FNDC3B: variants seen among roughly 807,000 people sequenced by gnomAD.
FNDC3B encodes the protein fibronectin type III domain containing 3B, also known as fibronectin type III domain-containing protein 3B.
FNDC3B carries 12 observed loss-of-function variants against 151.5 expected under a neutral mutation model. The ratio of observed to expected loss-of-function variants is 0.08; its 90% confidence interval spans 0.05 to 0.13. FNDC3B has a LOEUF of 0.13. FNDC3B is among the 10% of genes least tolerant of loss of function. FNDC3B has a pLI of 1.00. For synonymous variants in FNDC3B, 528 were observed against 549.0 expected (o/e 0.96, Z 0.54); for missense variants, 1,214 against 1,505.3 (o/e 0.81, Z 3.20).
intron 14 of FNDC3B, 60 bp downstream of exon 14, chr3:172,333,235 A>G: frequency 9.3e-7 from 1 of 1,070,768 alleles, no homozygotes; most frequent in Non-Finnish European, 1.5e-6. Flanking sequence ...CTATTTCACC[A>G]TTTACCATGT....
intron 3 of FNDC3B, among the ~76,000 whole-genome samples, chr3:172,143,816 G>A (rs1374801445): frequency 6.6e-6 from 1 of 151,978 alleles, no homozygotes; most frequent in East Asian, 1.9e-4. Context: ...GGCTGAGGGA[G>A]GAGAATCGCT....
At chr3:172,345,014 C>T (rs1023762226) in intron 19 of FNDC3B, among the ~76,000 whole-genome samples, 2 of 151,776 alleles carry the variant, frequency 1.3e-5, no homozygotes, top group African/African-American at 4.8e-5. Flanking sequence ...TGTAGATGGG[C>T]TCCATGCAAA....
intron 19 of FNDC3B, chr3:172,345,826 G>A (rs1733589099): frequency 6.6e-6 from 1 of 152,310 alleles, no homozygotes; most frequent in Non-Finnish European, 1.5e-5. Context: ...AATAGGTGAG[G>A]TGATGGGAAC....
chr3:172,281,213 TTATATTTATTTATTTATTTA>T (rs1271018001), intron 6 of FNDC3B, among the ~76,000 whole-genome samples: 1 of 104,262 alleles, frequency 9.6e-6, no homozygotes, highest in East Asian at 2.6e-4. Context: ...TTATTATTAT[TTATATTTATTTATTTATTTA>T]TTTATTTATT....
At chr3:172,378,801 T>C (rs1359171098) in intron 24 of FNDC3B, among the ~76,000 whole-genome samples, 1 of 152,162 alleles carries the variant, frequency 6.6e-6, no homozygotes, top group Non-Finnish European at 1.5e-5. Context: ...CTTTGGTGCC[T>C]AGAGACTGAC....
At chr3:172,361,487 G>A (rs1249898525) in intron 22 of FNDC3B, among the ~76,000 whole-genome samples, 1 of 152,114 alleles carries the variant, frequency 6.6e-6, no homozygotes, top group Admixed American at 6.6e-5. Context: ...CCTAGGACAT[G>A]GAAACAATGC....
rs561854536 is a variant in FNDC3B at position 172,094,821 on chromosome 3, G to C, written c.-28-17631G>C. ...TCACTGGTCTGTGAGCGGGTGTGTAGTGGCTTAGTGGAAGTGAGGTTCCAG... is the reference window on the plus strand; with the variant it reads ...TCACTGGTCTGTGAGCGGGTGTGTACTGGCTTAGTGGAAGTGAGGTTCCAG... On this transcript the variant is annotated intron_variant, in intron 1 of 25. Transcript: ENST00000415807. Among the ~76,000 whole-genome samples the C allele has an allele frequency of 2.6e-5, 4 of 151,754 alleles. No individual in the cohort carries two copies. The South Asian group carries it at 8.3e-4, about 32-fold the overall frequency.
At chr3:172,273,908 A>G (rs537801019) in intron 6 of FNDC3B, among the ~76,000 whole-genome samples, 2 of 152,238 alleles carry the variant, frequency 1.3e-5, no homozygotes, top group African/African-American at 2.4e-5. Flanking sequence ...CACAACAAAC[A>G]GCGGTAGTTT....
Position 172,380,007 on chromosome 3 carries a change from T to G in FNDC3B, c.3176-959T>G, listed in dbSNP as rs928066127. On this transcript the variant is annotated intron_variant, in intron 24 of 25. Coordinates refer to ENST00000415807, the MANE Select transcript of FNDC3B (RefSeq NM_022763.4). The stretch of plus-strand genomic sequence containing the variant: ...AGTTTAATCTGATAGGCTTCCTTAT[T>G]TAGTTTTTTCATAAAATGCTTGGAA... Among the ~76,000 whole-genome samples, 5 of 152,132 alleles carry G rather than the reference T, an allele frequency of 3.3e-5. No individual in the cohort carries two copies. In the South Asian group the frequency reaches 6.2e-4, roughly 19 times the overall value.
chr3:172,382,842 C>A (rs995393338), intron 25 of FNDC3B, among the ~76,000 whole-genome samples: 2 of 152,122 alleles, frequency 1.3e-5, no homozygotes, highest in African/African-American at 2.4e-5. Flanking sequence ...TGTTTTGGTA[C>A]CAGTACTATG....
chr3:172,145,317 G>A (rs1721847275), intron 3 of FNDC3B, among the ~76,000 whole-genome samples: 1 of 152,100 alleles, frequency 6.6e-6, no homozygotes, highest in South Asian at 2.1e-4. Context: ...AAAAAAGAGT[G>A]GAAACTTAAA....
At chr3:172,116,858 G>A (rs547805460) in intron 2 of FNDC3B, among the ~76,000 whole-genome samples, 10 of 152,168 alleles carry the variant, frequency 6.6e-5, no homozygotes, top group South Asian at 2.1e-4. Flanking sequence ...GAGCCACCAC[G>A]CCCGGTTCAC....
At position 172,390,651 on chromosome 3, in the gene FNDC3B, CTG is replaced by C. The variant is rs546422726; in HGVS notation, c.3304-6511_3304-6510del. On this transcript the variant is annotated intron_variant, in intron 25 of 25. Coordinates refer to ENST00000415807, the MANE Select transcript of FNDC3B (RefSeq NM_022763.4). ...GATGTAGCCATGCAAATTCTGGAAA[CTG>C]TAGAAATAATTAAAATAGATATAAA... Among the ~76,000 whole-genome samples, 433 of 151,820 alleles carry C rather than the reference CTG, an allele frequency of 2.9e-3. 3 individuals are homozygous for C. The highest frequency in any genetic ancestry group is 4.7e-3 in the Non-Finnish European group (322 of 67,970).
At chr3:172,351,294 C>T (rs1361793702) in intron 21 of FNDC3B, among the ~76,000 whole-genome samples, 1 of 152,144 alleles carries the variant, frequency 6.6e-6, no homozygotes, top group African/African-American at 2.4e-5. Context: ...GTGAGCTGTG[C>T]AGATGTCTGG....
intron 1 of FNDC3B, among the ~76,000 whole-genome samples, chr3:172,049,370 C>A (rs1318018173): frequency 6.6e-6 from 1 of 151,962 alleles, no homozygotes; most frequent in Non-Finnish European, 1.5e-5. Flanking sequence ...GAAAAAAGGG[C>A]ATTTTAATAT....
chr3:172,096,363 T>C (rs184127205), intron 1 of FNDC3B, among the ~76,000 whole-genome samples: 1 of 152,364 alleles, frequency 6.6e-6, no homozygotes, highest in African/African-American at 2.4e-5. Flanking sequence ...TCATAATGGA[T>C]TTAAATAATT....
chr3:172,225,648 A>T (rs996824271), intron 3 of FNDC3B: 3 of 158,194 alleles, frequency 1.9e-5, no homozygotes, highest in African/African-American at 4.8e-5. Context: ...GAGTGGTATG[A>T]CTACTTCTAT....
chr3:172,363,809 G>A (rs1358630509), intron 23 of FNDC3B, among the ~76,000 whole-genome samples: 1 of 152,172 alleles, frequency 6.6e-6, no homozygotes, highest in East Asian at 1.9e-4. Context: ...GCCTTCAGTG[G>A]AGACCAAGAT....
In FNDC3B at chr3:172,359,028, G is replaced by A. The variant is rs551437973; in HGVS notation, c.2796-3605G>A. Among the ~76,000 whole-genome samples, 303 of 150,314 alleles carry A rather than the reference G, an allele frequency of 2.0e-3. 1 individual carries two copies. The highest frequency in any genetic ancestry group is 2.9e-3 in the Non-Finnish European group (192 of 67,358). ...TGGTGGTGGTGGTGGTGATGGTGGCGGTGGTGTGTGTTAAGGCTAGGATTA... is the reference window on the plus strand; with the variant it reads ...TGGTGGTGGTGGTGGTGATGGTGGCAGTGGTGTGTGTTAAGGCTAGGATTA... On this transcript the variant is annotated intron_variant, in intron 22 of 25. Transcript: ENST00000415807.
Sources: allele counts gnomAD v4.1 joint callset (sites outside exome capture counted in the v4.1 genomes callset), GRCh38; gene constraint gnomAD v4.1.1; transcripts MANE v1.5; gene names NCBI Gene and HGNC (gene_info 2026-07-23, HGNC 2026-07-21).